TRPC4: variants seen among roughly 807,000 people sequenced by gnomAD.
TRPC4 encodes the protein short transient receptor potential channel 4.
A neutral mutation model predicts 99.4 loss-of-function variants in TRPC4; 49 were observed. That is an observed-to-expected ratio of 0.49 (90% confidence interval 0.39 to 0.63). The LOEUF (loss-of-function observed/expected upper bound fraction) is 0.63. Ranked by LOEUF, TRPC4 falls within the 20% of genes least tolerant of loss-of-function variation. The probability of loss-of-function intolerance (pLI) is 0.00; values close to 1 mark genes in which losing one functional copy is unlikely to be tolerated. For synonymous variants in TRPC4, 454 were observed against 425.9 expected (o/e 1.07, Z -0.81); for missense variants, 898 against 1,152.9 (o/e 0.78, Z 3.20).
intron 1 of TRPC4, among the ~76,000 whole-genome samples, chr13:37,795,118 T>C (rs1404195134): frequency 6.6e-6 from 1 of 152,164 alleles, no homozygotes; most frequent in East Asian, 1.9e-4. Context: ...TAAACACATA[T>C]GTTCAATTAA....
At chr13:37,778,546 T>C (rs1335499833) in intron 2 of TRPC4, among the ~76,000 whole-genome samples, 1 of 151,938 alleles carries the variant, frequency 6.6e-6, no homozygotes, top group Non-Finnish European at 1.5e-5. Flanking sequence ...CACAATTGAG[T>C]CCCCTTTCCT....
At chr13:37,714,759 C>T (rs1219045602) in intron 3 of TRPC4, among the ~76,000 whole-genome samples, 2 of 28,414 alleles carry the variant, frequency 7.0e-5, no homozygotes, top group East Asian at 1.1e-3. Flanking sequence ...TTCTTTTTTC[C>T]TCCTATTCAG....
intron 1 of TRPC4, among the ~76,000 whole-genome samples, chr13:37,839,453 A>C (rs1958669691): frequency 6.6e-6 from 1 of 152,198 alleles, no homozygotes; most frequent in African/African-American, 2.4e-5. Flanking sequence ...TAAAGAGAAC[A>C]TGATATCAAT....
intron 1 of TRPC4, among the ~76,000 whole-genome samples, chr13:37,834,177 G>A (rs1431975374): frequency 6.6e-6 from 1 of 151,546 alleles, no homozygotes; most frequent in East Asian, 1.9e-4. Flanking sequence ...CATAAACACT[G>A]TTTATAAATG....
chr13:37,725,114 C>T (rs1030902724), intron 3 of TRPC4, among the ~76,000 whole-genome samples: 1 of 151,622 alleles, frequency 6.6e-6, no homozygotes, highest in African/African-American at 2.4e-5. Context: ...AAAAAACAGT[C>T]GATTCGAAAG....
At chr13:37,832,539 AAAC>A (rs923216542) in intron 1 of TRPC4, among the ~76,000 whole-genome samples, 26 of 152,192 alleles carry the variant, frequency 1.7e-4, no homozygotes, top group East Asian at 1.2e-3. Flanking sequence ...ACTCCGTCAA[AAAC>A]AACAACAACA....
At position 37,632,441 on chromosome 13, in the gene TRPC4, C is replaced by T. The variant is rs1355413119; in HGVS notation, c.*4462G>A. On this transcript the variant is annotated 3_prime_UTR_variant, in exon 11 of 11. Transcript: ENST00000379705. ...TGGTGTGTGTTTCACACTTACAGCA[C>T]ATCTTAATTCAGACTTGTCACACTT... Among the ~76,000 whole-genome samples, 4 of 152,190 alleles carry T rather than the reference C, an allele frequency of 2.6e-5. No individual in the cohort carries two copies. The highest frequency in any genetic ancestry group is 9.7e-5 in the African/African-American group (4 of 41,440).
At chr13:37,670,975 C>T (rs922575448) in intron 5 of TRPC4, among the ~76,000 whole-genome samples, 1 of 152,114 alleles carries the variant, frequency 6.6e-6, no homozygotes, top group African/African-American at 2.4e-5. Flanking sequence ...GTTACAGTAG[C>T]CCCTCTTATA....
chr13:37,804,759 T>C (rs1441132095), intron 1 of TRPC4, among the ~76,000 whole-genome samples: 5 of 152,082 alleles, frequency 3.3e-5, no homozygotes, highest in African/African-American at 1.2e-4. Flanking sequence ...TGTTTTCAAA[T>C]GTGTGACTGT....
intron 4 of TRPC4, among the ~76,000 whole-genome samples, chr13:37,681,454 TC>T (rs1953236216): frequency 6.6e-6 from 1 of 152,036 alleles, no homozygotes; most frequent in African/African-American, 2.4e-5. Context: ...TGTGTTGGTA[TC>T]TTTTTTTTTT....
chr13:37,851,828 G>C lies in TRPC4; in HGVS notation c.-28+17767C>G, dbSNP rs74049211. ...ATGAGGAAAGTCTGTGCACTTGGAGGAGGGAGAGCACAGCAACAGGTGGAC... is the reference window on the plus strand; with the variant it reads ...ATGAGGAAAGTCTGTGCACTTGGAGCAGGGAGAGCACAGCAACAGGTGGAC... On this transcript the variant is annotated intron_variant, in intron 1 of 10. Coordinates refer to ENST00000379705, the MANE Select transcript of TRPC4 (RefSeq NM_016179.4). 1.1e-3 allele frequency among the ~76,000 whole-genome samples: 171 copies of C among 152,328 alleles called. 3 individuals are homozygous for C. Among genetic ancestry groups the C allele is most frequent in the African/African-American group, 4.0e-3 (166 of 41,574 alleles).
chr13:37,777,208 G>C (rs1956729516), intron 2 of TRPC4, among the ~76,000 whole-genome samples: 3 of 151,892 alleles, frequency 2.0e-5, no homozygotes, highest in Admixed American at 6.6e-5. Context: ...TTGATATAAA[G>C]AACTACCTGA....
chr13:37,837,269 C>T (rs1351424376), intron 1 of TRPC4, among the ~76,000 whole-genome samples: 1 of 152,228 alleles, frequency 6.6e-6, no homozygotes, highest in African/African-American at 2.4e-5. Context: ...CAGGGCACCA[C>T]CTAGTGGATC....
At chr13:37,815,547 G>A (rs1593806522) in intron 1 of TRPC4, among the ~76,000 whole-genome samples, 1 of 151,850 alleles carries the variant, frequency 6.6e-6, no homozygotes, top group East Asian at 1.9e-4. Flanking sequence ...AGTAAAGGAT[G>A]TATTCAATAA....
intron 1 of TRPC4, among the ~76,000 whole-genome samples, chr13:37,827,621 C>G (rs1958274104): frequency 6.6e-6 from 1 of 152,188 alleles, no homozygotes; most frequent in Admixed American, 6.5e-5. Context: ...AGGAGGCAGT[C>G]TGCCCATTCT....
At chr13:37,649,651 G>A (rs568530571) in intron 8 of TRPC4, among the ~76,000 whole-genome samples, 1 of 145,084 alleles carries the variant, frequency 6.9e-6, no homozygotes, top group South Asian at 2.2e-4. Flanking sequence ...GGAGAATGGC[G>A]TGAACCCGGA....
Position 37,779,718 on chromosome 13 carries a change from CATT to C in TRPC4, c.378+3235_378+3237del, listed in dbSNP as rs1281800185. 5.4e-3 allele frequency among the ~76,000 whole-genome samples: 827 copies of C among 152,168 alleles called. 8 individuals are homozygous for C. Among genetic ancestry groups the C allele is most frequent in the African/African-American group, 0.019 (792 of 41,536 alleles). On this transcript the variant is annotated intron_variant, in intron 2 of 10. Transcript: ENST00000379705. ...TCCCAGACCCCATTCTTAAATCCAA[CATT>C]TCTAACTAACTCCTAGGTATTAATA... is the stretch of plus-strand genomic sequence containing the variant.
At chr13:37,868,631 TCTA>T (rs1593353151) in intron 1 of TRPC4, among the ~76,000 whole-genome samples, 1 of 86,672 alleles carries the variant, frequency 1.2e-5, no homozygotes, top group Non-Finnish European at 2.4e-5. Flanking sequence ...TACAAGTCTG[TCTA>T]TTTTTTTTTT....
intron 8 of TRPC4, among the ~76,000 whole-genome samples, chr13:37,647,416 A>C (rs889301013): frequency 4.6e-5 from 7 of 152,220 alleles, no homozygotes; most frequent in Admixed American, 1.3e-4. Flanking sequence ...GGGACACAGG[A>C]GTCTAAGAGG....
Sources: allele counts gnomAD v4.1 joint callset (sites outside exome capture counted in the v4.1 genomes callset), GRCh38; gene constraint gnomAD v4.1.1; transcripts MANE v1.5; gene names NCBI Gene and HGNC (gene_info 2026-07-23, HGNC 2026-07-21).